The following STK10 variants were observed in gnomAD, a reference collection of about 807,000 sequenced individuals.
STK10 encodes serine/threonine kinase 10.
Under a neutral mutation model 113.8 loss-of-function variants are expected in STK10, and 78 were observed. That is an observed-to-expected ratio of 0.69 (90% CI 0.57 to 0.83). STK10 has a LOEUF of 0.83. Ranked by LOEUF, STK10 falls within the 40% of genes least tolerant of loss-of-function variation. The pLI, the probability that STK10 is intolerant of heterozygous loss-of-function variation, is 0.00. For missense variants in STK10, 1,109 were observed against 1,280.1 expected (o/e 0.87, Z 2.04); for synonymous variants, 465 against 494.7 (o/e 0.94, Z 0.80).
intron 12 of STK10, among the ~76,000 whole-genome samples, chr5:172,068,273 C>A (rs1768110804): frequency 6.7e-6 from 1 of 150,226 alleles, no homozygotes. Flanking sequence ...CCGGGAGGCA[C>A]AGGTTGCAGT....
intron 18 of STK10, 96 bp from the exon 19 acceptor site, chr5:172,045,118 G>T: frequency 6.5e-7 from 1 of 1,532,234 alleles, no homozygotes; most frequent in South Asian, 1.2e-5. Flanking sequence ...GCCTTCTCTG[G>T]AACATTCCCT....
At chr5:172,130,746 T>G (rs1769736108) in intron 2 of STK10, among the ~76,000 whole-genome samples, 1 of 152,142 alleles carries the variant, frequency 6.6e-6, no homozygotes, top group African/African-American at 2.4e-5. Context: ...CCTAATCATC[T>G]CTTGCCTCCA....
chr5:172,177,616 A>C (rs1164479181), intron 1 of STK10, among the ~76,000 whole-genome samples: 1 of 152,192 alleles, frequency 6.6e-6, no homozygotes, highest in Non-Finnish European at 1.5e-5. Context: ...AATTTCAAAG[A>C]CTTCGCATGA....
intron 13 of STK10, 43 bp downstream of exon 13, chr5:172,064,677 T>C (rs746090434): frequency 6.2e-7 from 1 of 1,604,222 alleles, no homozygotes; most frequent in Non-Finnish European, 8.5e-7. Context: ...ATTCCAGGTC[T>C]CGCACCAGCC....
Position 172,188,115 on chromosome 5 carries a change from A to AAGG in STK10, c.-76_-74dup. The AAGG allele has an allele frequency of 2.6e-6, 4 of 1,552,044 alleles. No individual in the cohort carries two copies. Among genetic ancestry groups the AAGG allele is most frequent in the Non-Finnish European group, 2.6e-6 (3 of 1,149,850 alleles). ...CTGTGGCTTCGGCGGCCGCGAGGAG[A>AAGG]AGGAGGAGGAGTTGGAGGACGCCGC... On this transcript the variant is annotated 5_prime_UTR_variant, in exon 1 of 19. Coordinates refer to ENST00000176763, the MANE Select transcript of STK10 (RefSeq NM_005990.4). The surrounding 1 kb of genome is among the most constrained non-coding windows in gnomAD (Gnocchi z 5.6).
At chr5:172,066,104 T>TG (rs1349324751) in intron 12 of STK10, among the ~76,000 whole-genome samples, 1 of 152,114 alleles carries the variant, frequency 6.6e-6, no homozygotes, top group East Asian at 1.9e-4. Context: ...GAGCATCTGA[T>TG]GGGGGGAAAG....
chr5:172,071,386 C>T (rs1768179953), intron 12 of STK10, among the ~76,000 whole-genome samples: 1 of 138,976 alleles, frequency 7.2e-6, no homozygotes, highest in Non-Finnish European at 1.5e-5. Flanking sequence ...CTGGACACAG[C>T]AACTATGGTG....
At chr5:172,081,840 C>T (rs1768437961) in intron 12 of STK10, among the ~76,000 whole-genome samples, 1 of 152,212 alleles carries the variant, frequency 6.6e-6, no homozygotes, top group Admixed American at 6.5e-5. Flanking sequence ...CTCTCCAGAG[C>T]AGCTCGAGAG....
chr5:172,118,636 T>C (rs1769438479), intron 3 of STK10, among the ~76,000 whole-genome samples: 1 of 149,306 alleles, frequency 6.7e-6, no homozygotes, highest in Non-Finnish European at 1.5e-5. Context: ...TCCCAGCACT[T>C]TGGGAAGCAG....
At position 172,056,359 on chromosome 5, in the gene STK10, T is replaced by C. The variant is rs551549456; in HGVS notation, c.2338-583A>G. On this transcript the variant is annotated intron_variant, in intron 15 of 18. Coordinates refer to ENST00000176763, the MANE Select transcript of STK10 (RefSeq NM_005990.4). ...TCTGTCACTGTCCCACTATGGAGGC[T>C]GAACTGAGACAGACAATTCCCGCAG... 2.5e-3 allele frequency among the ~76,000 whole-genome samples: 382 copies of C among 152,320 alleles called. 2 individuals are homozygous for C. Among genetic ancestry groups the C allele is most frequent in the African/African-American group, 8.8e-3 (364 of 41,570 alleles).
intron 2 of STK10, among the ~76,000 whole-genome samples, chr5:172,151,875 C>T (rs1770241279): frequency 6.6e-6 from 1 of 152,380 alleles, no homozygotes; most frequent in South Asian, 2.1e-4. Context: ...TCTCCCTCCA[C>T]CACGCGCCAG....
intron 7 of STK10, among the ~76,000 whole-genome samples, chr5:172,103,522 G>A (rs111991879): frequency 0.012 from 1,891 of 152,200 alleles, 42 homozygotes; most frequent in African/African-American, 0.042. Flanking sequence ...GGCAGGAGGT[G>A]CCTCTTACAG....
chr5:172,138,792 C>T (rs371392916), intron 2 of STK10, among the ~76,000 whole-genome samples: 1 of 152,024 alleles, frequency 6.6e-6, no homozygotes, highest in East Asian at 1.9e-4. Flanking sequence ...GTGGGCGGAT[C>T]ACGAGGTCAG....
Position 172,187,951 on chromosome 5 carries a change from T to C in STK10, c.92A>G (p.Asp31Gly), listed in dbSNP as rs1235927760. ...REYEHVRRDL[D>G]PNEVWEIVGE... ...CACGATCTCCCACACCTCGTTGGGG[T>C]CCAGGTCGCGGCGGACGTGCTCATA... Residue 31 changes from aspartate (D) to glycine (G), a missense_variant, in exon 1 of 19, where the codon GAC becomes GGC. Around this residue, in one of 5 missense-constraint regions of STK10, gnomAD observed 57 missense variants for 53.6 expected, o/e 1.06. Transcript: ENST00000176763. The surrounding 1 kb of genome is among the most constrained non-coding windows in gnomAD (Gnocchi z 4.6). 1 of 1,613,498 alleles carries C rather than the reference T, an allele frequency of 6.2e-7. No individual in the cohort carries two copies. Among genetic ancestry groups the C allele is most frequent in the Non-Finnish European group, 8.5e-7 (1 of 1,179,794 alleles).
At chr5:172,053,453 C>T (rs944468809) in intron 17 of STK10, among the ~76,000 whole-genome samples, 33 of 152,058 alleles carry the variant, frequency 2.2e-4, no homozygotes, top group Non-Finnish European at 4.1e-4. Context: ...TATGGCAGCC[C>T]GAGCTAAGAT....
intron 17 of STK10, among the ~76,000 whole-genome samples, chr5:172,054,044 G>A (rs1034823392): frequency 2.6e-5 from 4 of 152,194 alleles, no homozygotes; most frequent in African/African-American, 4.8e-5. Flanking sequence ...GAAATTGCCC[G>A]ATGGGTCCAA....
At chr5:172,074,541 C>T (rs1345733448) in intron 12 of STK10, among the ~76,000 whole-genome samples, 1 of 152,076 alleles carries the variant, frequency 6.6e-6, no homozygotes, top group African/African-American at 2.4e-5. Flanking sequence ...CTAACCCACA[C>T]CTTATATCTT....
chr5:172,075,350 C>T (rs938551780), intron 12 of STK10, among the ~76,000 whole-genome samples: 6 of 152,126 alleles, frequency 3.9e-5, no homozygotes, highest in South Asian at 2.1e-4. Context: ...GTTAAATAAA[C>T]GGCCAAAGAT....
In STK10 at chr5:172,133,872, G is replaced by A. The variant is rs1051535313; in HGVS notation, c.322-6451C>T. Among the ~76,000 whole-genome samples, 2 of 152,216 alleles carry A rather than the reference G, an allele frequency of 1.3e-5. No homozygotes were observed. The highest frequency in any genetic ancestry group is 4.8e-5 in the African/African-American group (2 of 41,454). On this transcript the variant is annotated intron_variant, in intron 2 of 18. Coordinates refer to ENST00000176763, the MANE Select transcript of STK10 (RefSeq NM_005990.4). This position sits in a 1 kb window ranked among gnomAD's most constrained non-coding sequence, Gnocchi z 4.9. Reference sequence around the variant, plus strand: ...AGATGATGAGTAACCACACTCTCCAGGTGGCAGACTCCAGGTTGTACCAGC... The same window carrying A: ...AGATGATGAGTAACCACACTCTCCAAGTGGCAGACTCCAGGTTGTACCAGC...
Sources: allele counts gnomAD v4.1 joint callset (sites outside exome capture counted in the v4.1 genomes callset), GRCh38; gene constraint gnomAD v4.1.1; regional missense constraint gnomAD v4.1.1; non-coding constraint Gnocchi (gnomAD v3.1); transcripts MANE v1.5; gene names NCBI Gene and HGNC (gene_info 2026-07-23, HGNC 2026-07-21).